Variants in LAMA2 observed in about 807,000 individuals in gnomAD.
LAMA2 encodes the protein laminin subunit alpha-2.
A neutral mutation model predicts 364.8 loss-of-function variants in LAMA2; 269 were observed. The ratio of observed to expected loss-of-function variants is 0.74; its 90% CI spans 0.67 to 0.82. LAMA2 has a LOEUF of 0.82. Ranked by LOEUF, LAMA2 falls within the 40% of genes least tolerant of loss-of-function variation. The probability of loss-of-function intolerance (pLI) is 0.00; values close to 1 mark genes in which losing one functional copy is unlikely to be tolerated. For missense variants in LAMA2, 3,807 were observed against 3,873.2 expected, an observed-to-expected ratio of 0.98 and a Z score of 0.45; for synonymous variants, 1,379 against 1,370.6, an observed-to-expected ratio of 1.01 and a Z score of -0.14.
At position 129,154,783 on chromosome 6, in the gene LAMA2, A is replaced by G. The variant is rs1779009265; in HGVS notation, c.1206+100A>G. ...AATAATTTTGAAAGCTTCTGTAAACAGTTGAACTTCAAATTAAAAGGTAAG... is the reference window on the plus strand; with the variant it reads ...AATAATTTTGAAAGCTTCTGTAAACGGTTGAACTTCAAATTAAAAGGTAAG... On this transcript the variant is annotated intron_variant, in intron 8 of 64. Coordinates refer to ENST00000421865, the MANE Select transcript of LAMA2 (RefSeq NM_000426.4). 3.2e-6 allele frequency: 3 copies of G among 941,704 alleles called. No individual in the cohort carries two copies. In the South Asian group the frequency reaches 4.3e-5, roughly 13 times the overall value. The allele number at this position is 941,704 out of a possible 1,614,324, so 58.3% of individuals were successfully genotyped here.
chr6:129,024,410 G>A (rs1275087810), intron 1 of LAMA2, among the ~76,000 whole-genome samples: 1 of 129,602 alleles, frequency 7.7e-6, no homozygotes, highest in Admixed American at 9.2e-5. Context: ...TTTTGAGACA[G>A]TCTCAGTCCA....
At chr6:129,316,312 C>A in intron 27 of LAMA2, 141 bp downstream of exon 27, 1 of 694,376 alleles carries the variant, frequency 1.4e-6, no homozygotes, top group Non-Finnish European at 2.4e-6. Flanking sequence ...GGAGGCTTCC[C>A]TGTGACCTGG....
intron 12 of LAMA2, among the ~76,000 whole-genome samples, chr6:129,245,464 C>G (rs2115166467): frequency 6.6e-6 from 1 of 152,036 alleles, no homozygotes; most frequent in East Asian, 1.9e-4. Context: ...CAATATTGTC[C>G]CCAAAATGAA....
chr6:128,987,042 CT>C lies in LAMA2; in HGVS notation c.113-62872del, dbSNP rs1783286350. Among the ~76,000 whole-genome samples the C allele has an allele frequency of 2.7e-5, 4 of 150,570 alleles. No homozygotes were observed. In the Admixed American group the frequency reaches 2.7e-4, roughly 10 times the overall value. On this transcript the variant is annotated intron_variant, in intron 1 of 64. Transcript: ENST00000421865. The stretch of plus-strand genomic sequence containing the variant: ...GTCCGCTTAAGAATATTTTTCTAGT[CT>C]TTTGCTGCTACAAATAATCTTGCAA...
chr6:129,438,754 T>C lies in LAMA2; in HGVS notation c.6077T>C (p.Ile2026Thr). 6.6e-7 allele frequency: 1 copy of C among 1,522,350 alleles called. No individual in the cohort carries two copies. The highest frequency in any genetic ancestry group is 1.1e-5 in the South Asian group (1 of 89,210). The allele number at this position is 1,522,350 out of a possible 1,614,324, so 94.3% of individuals were successfully genotyped here. ...LNDTLGKLSAIPNDTAAKLQA... is the reference protein window; with the variant it reads ...LNDTLGKLSATPNDTAAKLQA... ...GACACTTTGGGAAAGTTATCAGCTA[T>C]TCCAAATGGTAAGCATTCAGGACAC... The change falls in exon 42 of 65, where the codon ATT (isoleucine) becomes ACT (threonine). Residue 2026 changes from isoleucine to threonine, a missense_variant. Coordinates refer to ENST00000421865, the MANE Select transcript of LAMA2 (RefSeq NM_000426.4).
intron 7 of LAMA2, among the ~76,000 whole-genome samples, chr6:129,153,504 G>A (rs768780023): frequency 2.2e-4 from 34 of 152,150 alleles, no homozygotes; most frequent in Admixed American, 1.8e-3. Context: ...TTCATTCACC[G>A]GGTAGGATGT....
At chr6:128,978,039 T>G (rs1218569236) in intron 1 of LAMA2, among the ~76,000 whole-genome samples, 1 of 152,200 alleles carries the variant, frequency 6.6e-6, no homozygotes, top group African/African-American at 2.4e-5. Context: ...ATTCCATGAT[T>G]TATTGTATAA....
intron 35 of LAMA2, among the ~76,000 whole-genome samples, chr6:129,389,830 G>T (rs1583636976): frequency 6.6e-6 from 1 of 152,114 alleles, no homozygotes; most frequent in African/African-American, 2.4e-5. Context: ...GGGGAGGTTT[G>T]CTCCCATGAT....
intron 8 of LAMA2, chr6:129,158,676 CCATCAAAAAACGGA>C: frequency 6.2e-7 from 1 of 1,614,106 alleles, no homozygotes; most frequent in South Asian, 1.1e-5. Context: ...TCGAATGCTG[CCATCAAAAAACGGA>C]CCTATGACAA....
At chr6:129,057,906 C>T (rs1308958246) in intron 2 of LAMA2, among the ~76,000 whole-genome samples, 1 of 151,354 alleles carries the variant, frequency 6.6e-6, no homozygotes, top group East Asian at 1.9e-4. Context: ...AAAGGTCATT[C>T]ATAAGCCACT....
At chr6:129,163,955 A>C (rs1372543122) in intron 8 of LAMA2, among the ~76,000 whole-genome samples, 1 of 152,220 alleles carries the variant, frequency 6.6e-6, no homozygotes, top group East Asian at 1.9e-4. Flanking sequence ...ACATATTTAC[A>C]GAACTTACGT....
chr6:129,208,554 AAGAAAGAAAG>A (rs200445994), intron 12 of LAMA2, among the ~76,000 whole-genome samples: 4,111 of 135,136 alleles, frequency 0.03, 128 homozygotes, highest in East Asian at 0.2. Flanking sequence ...AAGGAAGAGA[AAGAAAGAAAG>A]AGAAAGAAAG....
At chr6:129,374,462 A>G (rs1291686794) in intron 34 of LAMA2, among the ~76,000 whole-genome samples, 1 of 152,186 alleles carries the variant, frequency 6.6e-6, no homozygotes, top group Non-Finnish European at 1.5e-5. Flanking sequence ...GAGTCAGACC[A>G]CTGGGATATT....
intron 12 of LAMA2, among the ~76,000 whole-genome samples, chr6:129,235,176 A>G (rs187253377): frequency 6.6e-6 from 1 of 152,338 alleles, no homozygotes; most frequent in East Asian, 1.9e-4. Context: ...CTTAGAACCA[A>G]CTGAACTGGT....
chr6:129,473,838 C>T (rs775706776), intron 52 of LAMA2, among the ~76,000 whole-genome samples: 2 of 151,988 alleles, frequency 1.3e-5, no homozygotes, highest in Non-Finnish European at 2.9e-5. Context: ...TGTTCTCATG[C>T]CCATGCCAAC....
intron 3 of LAMA2, among the ~76,000 whole-genome samples, chr6:129,063,792 G>A (rs1227774056): frequency 6.6e-6 from 1 of 152,116 alleles, no homozygotes; most frequent in Non-Finnish European, 1.5e-5. Flanking sequence ...CAAGTTAACA[G>A]TTTTAACTGG....
intron 64 of LAMA2, 138 bp downstream of exon 64, chr6:129,514,733 C>A: frequency 2.7e-6 from 2 of 753,182 alleles, no homozygotes; most frequent in Non-Finnish European, 4.6e-6. Context: ...TTAGAATCTG[C>A]ACCTTACCTA....
At chr6:129,363,378 T>C (rs1367785914) in intron 32 of LAMA2, among the ~76,000 whole-genome samples, 1 of 152,042 alleles carries the variant, frequency 6.6e-6, no homozygotes, top group Non-Finnish European at 1.5e-5. Context: ...TCTGTGGTGG[T>C]GAGGAGGGAA....
intron 37 of LAMA2, among the ~76,000 whole-genome samples, chr6:129,400,057 T>C (rs116477045): frequency 0.026 from 4,009 of 152,292 alleles, 60 homozygotes; most frequent in Middle Eastern, 0.061. Flanking sequence ...TTCTGGAGGC[T>C]GGGAAATCCA....
Sources: allele counts gnomAD v4.1 joint callset (sites outside exome capture counted in the v4.1 genomes callset), GRCh38; gene constraint gnomAD v4.1.1; transcripts MANE v1.5; gene names NCBI Gene and HGNC (gene_info 2026-07-23, HGNC 2026-07-21).